Variants in TMEM132E observed in about 807,000 individuals in gnomAD.
The protein encoded by TMEM132E is transmembrane protein 132E.
Under a neutral mutation model 78.5 loss-of-function variants are expected in TMEM132E, and 49 were observed. The ratio of observed to expected loss-of-function variants is 0.62; its 90% CI spans 0.50 to 0.79. TMEM132E has a LOEUF of 0.79. TMEM132E is among the 30% of genes least tolerant of loss of function. The probability of loss-of-function intolerance (pLI) is 0.00; values close to 1 mark genes in which losing one functional copy is unlikely to be tolerated. For synonymous variants in TMEM132E, 715 were observed against 670.6 expected (o/e 1.07, Z -1.02); for missense variants, 1,403 against 1,470.9 (o/e 0.95, Z 0.75).
intron 1 of TMEM132E, among the ~76,000 whole-genome samples, chr17:34,611,061 ATAGCCTC>A (rs1906574799): frequency 6.6e-6 from 1 of 152,242 alleles, no homozygotes; most frequent in Non-Finnish European, 1.5e-5. Flanking sequence ...TTATCAGCCC[ATAGCCTC>A]TAGTCATGTG....
chr17:34,628,045 T>C (rs1447896219), intron 2 of TMEM132E, among the ~76,000 whole-genome samples: 1 of 152,214 alleles, frequency 6.6e-6, no homozygotes, highest in East Asian at 1.9e-4. Context: ...TGTGACTGGC[T>C]GTGAGGTGAT....
chr17:34,638,054 C>T lies in TMEM132E; in HGVS notation c.3047C>T (p.Thr1016Ile). The T allele has an allele frequency of 6.3e-7, 1 of 1,578,518 alleles. No individual in the cohort carries two copies. The highest frequency in any genetic ancestry group is 8.6e-7 in the Non-Finnish European group (1 of 1,162,258). Residue 1016 changes from threonine (T) to isoleucine (I), a missense_variant, in exon 9 of 9, where the codon ACC becomes ATC. By Grantham distance (89) the Thr-to-Ile change is moderately conservative (BLOSUM62 -1). Around this residue, in one of 3 missense-constraint regions of TMEM132E, gnomAD observed 888 missense variants for 952.8 expected, o/e 0.93. Transcript: ENST00000631683. ...PTSKRKRVKF[T>I]TFTTLPSEEL... is the part of the protein sequence containing the mutation. Reference sequence around the variant, plus strand: ...TCCAAGCGCAAGCGGGTCAAGTTCACCACCTTCACCACGCTGCCGTCAGAG... The same window carrying T: ...TCCAAGCGCAAGCGGGTCAAGTTCATCACCTTCACCACGCTGCCGTCAGAG...
intron 1 of TMEM132E, among the ~76,000 whole-genome samples, chr17:34,615,367 TC>T (rs1207697191): frequency 2.0e-5 from 3 of 152,138 alleles, no homozygotes; most frequent in African/African-American, 7.2e-5. Flanking sequence ...GTGATTTCCT[TC>T]CTTCCTTACT....
chr17:34,585,458 G>A (rs1433979328), intron 1 of TMEM132E, among the ~76,000 whole-genome samples: 1 of 152,150 alleles, frequency 6.6e-6, no homozygotes, highest in African/African-American at 2.4e-5. Flanking sequence ...TAGCGGGCAG[G>A]GTCTCACCTT....
At chr17:34,602,511 G>A (rs962844049) in intron 1 of TMEM132E, among the ~76,000 whole-genome samples, 1 of 152,200 alleles carries the variant, frequency 6.6e-6, no homozygotes, top group Non-Finnish European at 1.5e-5. Context: ...CTCCCTTCTA[G>A]CTTAGAAGAT....
chr17:34,621,093 T>C (rs569752363), intron 1 of TMEM132E, among the ~76,000 whole-genome samples: 2 of 152,298 alleles, frequency 1.3e-5, no homozygotes, highest in African/African-American at 4.8e-5. Context: ...TCCCAGCCTG[T>C]CTTCCTCCCC....
Position 34,626,706 on chromosome 17 carries a change from C to A in TMEM132E, c.647C>A (p.Pro216Gln). The A allele has an allele frequency of 7.2e-7, 1 of 1,383,244 alleles. No homozygotes were observed. The highest frequency in any genetic ancestry group is 9.5e-7 in the Non-Finnish European group (1 of 1,056,180). The allele number at this position is 1,383,244 out of a possible 1,614,324, so 85.7% of individuals were successfully genotyped here. A position where few individuals can be genotyped will look rare whatever the true frequency, so the allele number is the denominator to read the frequency against. The change falls in exon 2 of 9, where the codon CCG (proline) becomes CAG (glutamine). Residue 216 changes from proline (P) to glutamine (Q), a missense_variant. By Grantham distance (76) the Pro-to-Gln change is moderately conservative. Around this residue, in one of 3 missense-constraint regions of TMEM132E, gnomAD observed 511 missense variants for 499.0 expected, o/e 1.02. Coordinates refer to ENST00000631683, the MANE Select transcript of TMEM132E (RefSeq NM_001304438.2). ...CCACCCACGGCCCGCCGCAAGTCCC[C>A]GGACGGGCTGGAGCCCGAGGCGACG... ...AAPPTARRKS[P>Q]DGLEPEATGE...
In TMEM132E at chr17:34,637,529, G is replaced by A. The variant is rs1001098514; in HGVS notation, c.2522G>A (p.Gly841Glu). Residue 841 changes from glycine to glutamate, a missense_variant, in exon 9 of 9, where the codon GGA becomes GAA. Transcript: ENST00000631683. ...GGCGGGGGCGAGGACGAGGCCCGGG[G>A]AGCTGGCCCGCCGGGCTCTGCGCTA... ...GPGGGEDEAR[G>E]AGPPGSALPA... 3.1e-6 allele frequency: 5 copies of A among 1,599,636 alleles called. No homozygotes were observed. The highest frequency in any genetic ancestry group is 1.1e-5 in the South Asian group (1 of 90,230).
chr17:34,625,383 C>A (rs539797891), intron 1 of TMEM132E, among the ~76,000 whole-genome samples: 2 of 152,164 alleles, frequency 1.3e-5, no homozygotes, highest in Admixed American at 1.3e-4. Context: ...TCCCTGGGGA[C>A]CCTACACCAG....
chr17:34,626,043 G>C, intron 1 of TMEM132E, 84 bp from the exon 2 acceptor site: 1 of 1,276,546 alleles, frequency 7.8e-7, no homozygotes, highest in South Asian at 1.6e-5. Flanking sequence ...CTGTGGGGTG[G>C]GAGAGACGAG....
Position 34,581,083 on chromosome 17 carries a change from C to T in TMEM132E, c.7C>T (p.Pro3Ser), listed in dbSNP as rs1249399927. The change falls in exon 1 of 9, where the codon CCG (proline) becomes TCG (serine). Residue 3 changes from proline (P) to serine (S), a missense_variant. Coordinates refer to ENST00000631683, the MANE Select transcript of TMEM132E (RefSeq NM_001304438.2). MA[P>S]GMSGRGGAAL... ...TCCCGCCCCCGCCTCGGCCATGGCC[C>T]CGGGGATGTCGGGCCGCGGCGGCGC... The T allele has an allele frequency of 6.4e-7, 1 of 1,555,876 alleles. No homozygotes were observed. Among genetic ancestry groups the T allele is most frequent in the Non-Finnish European group, 8.6e-7 (1 of 1,157,778 alleles).
intron 1 of TMEM132E, among the ~76,000 whole-genome samples, chr17:34,622,020 C>T (rs1204812335): frequency 6.6e-6 from 1 of 152,202 alleles, no homozygotes; most frequent in Non-Finnish European, 1.5e-5. Context: ...TTCAAGGAAC[C>T]TTCCAGTAGC....
intron 1 of TMEM132E, among the ~76,000 whole-genome samples, chr17:34,600,086 A>C (rs1906186919): frequency 6.6e-6 from 1 of 152,218 alleles, no homozygotes; most frequent in African/African-American, 2.4e-5. Flanking sequence ...ATGATTTGAA[A>C]GGGAACCTTT....
At position 34,637,434 on chromosome 17, in the gene TMEM132E, G is replaced by T; in HGVS notation, c.2427G>T (p.Leu809=). The change falls in exon 9 of 9, where the codon CTG becomes CTT. Residue 809 remains leucine (L), a synonymous_variant. Transcript: ENST00000631683. ...KSVLATTPVG[L]RVHFGRDEED... The stretch of plus-strand genomic sequence containing the variant: ...TGCTCGCCACGACCCCTGTGGGCCT[G>T]CGGGTGCACTTTGGGAGGGACGAGG... The T allele has an allele frequency of 6.2e-7, 1 of 1,613,728 alleles. No individual in the cohort carries two copies. Among genetic ancestry groups the T allele is most frequent in the East Asian group, 2.2e-5 (1 of 44,876 alleles).
chr17:34,628,608 G>A lies in TMEM132E; in HGVS notation c.1044G>A (p.Arg348=), dbSNP rs780764613. Residue 348 remains arginine (R), a synonymous_variant, in exon 3 of 9, where the codon CGG becomes CGA. Transcript: ENST00000631683. ...KGVTLLGTKS[R]SGQWHVTSEL... is the part of the protein sequence containing the mutation. ...TGACCCTTTTAGGTACCAAGTCACG[G>A]AGTGGCCAGTGGCATGTGACCTCGG... 60 of 1,613,904 alleles carry A rather than the reference G, an allele frequency of 3.7e-5. No homozygotes were observed. Among genetic ancestry groups the A allele is most frequent in the Non-Finnish European group, 5.0e-5 (59 of 1,179,982 alleles).
intron 8 of TMEM132E, 81 bp from the exon 9 acceptor site, chr17:34,637,096 C>A: frequency 7.8e-7 from 1 of 1,274,574 alleles, no homozygotes; most frequent in Non-Finnish European, 1.1e-6. Context: ...TGGTCCCTGC[C>A]CCTACAGAGC....
Position 34,636,023 on chromosome 17 carries a change from C to T in TMEM132E, c.1994C>T (p.Thr665Met), listed in dbSNP as rs1429069820. 4.6e-6 allele frequency: 7 copies of T among 1,514,398 alleles called. No homozygotes were observed. Among genetic ancestry groups the T allele is most frequent in the South Asian group, 1.3e-5 (1 of 76,734 alleles). 93.8% of individuals were successfully genotyped at this position (1,514,398 alleles called of 1,614,324 possible). ...CTGCCTCAGGTGGTGTCTCCGCTGA[C>T]GGAGGCTGTGCTCGGGGAGACGCTG... ...TTPFKVVSPL[T>M]EAVLGETLLT... Residue 665 changes from threonine to methionine, a missense_variant, in exon 8 of 9, where the codon ACG (threonine) becomes ATG (methionine). Coordinates refer to ENST00000631683, the MANE Select transcript of TMEM132E (RefSeq NM_001304438.2).
In TMEM132E at chr17:34,590,260, C is replaced by G. The variant is rs114213407; in HGVS notation, c.67+9117C>G. Among the ~76,000 whole-genome samples, 1,446 of 152,354 alleles carry G rather than the reference C, an allele frequency of 9.5e-3. 24 individuals are homozygous for G. Among genetic ancestry groups the G allele is most frequent in the African/African-American group, 0.033 (1,367 of 41,586 alleles). ...TGTGCTGGACACCAGGAATCCTCCC[C>G]CCCGGAGCTGGCTATGGACTCTATT... On this transcript the variant is annotated intron_variant, in intron 1 of 8. Coordinates refer to ENST00000631683, the MANE Select transcript of TMEM132E (RefSeq NM_001304438.2).
chr17:34,632,684 C>T lies in TMEM132E; in HGVS notation c.1483-20C>T, dbSNP rs1907387145. ...AAGACCTGTAGGGAAGATGTGCCAA[C>T]TGTTCCTCCCTTCCCCCAGGTATCC... On this transcript the variant is annotated intron_variant, in intron 5 of 8. Coordinates refer to ENST00000631683, the MANE Select transcript of TMEM132E (RefSeq NM_001304438.2). The T allele has an allele frequency of 6.2e-7, 1 of 1,613,676 alleles. No individual in the cohort carries two copies. The highest frequency in any genetic ancestry group is 1.3e-5 in the African/African-American group (1 of 74,912).
Sources: allele counts gnomAD v4.1 joint callset (sites outside exome capture counted in the v4.1 genomes callset), GRCh38; gene constraint gnomAD v4.1.1; regional missense constraint gnomAD v4.1.1; transcripts MANE v1.5; gene names NCBI Gene and HGNC (gene_info 2026-07-23, HGNC 2026-07-21).